Variants in MYC observed in about 807,000 individuals in gnomAD.
The protein encoded by MYC is MYC proto-oncogene, bHLH transcription factor, also known as myc proto-oncogene protein.
A neutral mutation model predicts 30.5 loss-of-function variants in MYC; 1 was observed. The observed-to-expected ratio is 0.03, with a 90% CI of 0.01 to 0.16. MYC has a LOEUF of 0.16. Ranked by LOEUF, MYC falls within the 10% of genes least tolerant of loss-of-function variation. MYC has a pLI of 1.00. For synonymous variants in MYC, 267 were observed against 250.7 expected (o/e 1.07, Z -0.62); for missense variants, 508 against 589.0 (o/e 0.86, Z 1.42).
At position 127,738,914 on chromosome 8, in the gene MYC, C is replaced by T. The variant is rs147506213; in HGVS notation, c.697C>T (p.Pro233Ser). 1 of 1,610,166 alleles carries T rather than the reference C, an allele frequency of 6.2e-7. No homozygotes were observed. Among genetic ancestry groups the T allele is most frequent in the Non-Finnish European group, 8.5e-7 (1 of 1,179,968 alleles). ...CTCGCAAGACTCCAGCGCCTTCTCT[C>T]CGTCCTCGGATTCTCTGCTCTCCTC... Residue 233 changes from proline (P) to serine (S), a missense_variant, in exon 2 of 3, where the codon CCG becomes TCG. Coordinates refer to ENST00000621592, the MANE Select transcript of MYC (RefSeq NM_002467.6). This position sits in a 1 kb window ranked among gnomAD's most constrained non-coding sequence, Gnocchi z 7.6.
intron 2 of MYC, among the ~76,000 whole-genome samples, chr8:127,740,024 GC>G (rs1187163114): frequency 6.0e-5 from 9 of 150,542 alleles, no homozygotes; most frequent in Non-Finnish European, 1.0e-4. Context: ...AGGCTGGAGT[GC>G]AGTGGCGCAA....
chr8:127,738,250 G>A lies in MYC; in HGVS notation c.33G>A (p.Gln11=), dbSNP rs781165176. 1.9e-6 allele frequency: 3 copies of A among 1,580,814 alleles called. No homozygotes were observed. In the South Asian group the frequency reaches 3.4e-5, roughly 18 times the overall value. Residue 11 remains glutamine, a splice_region_variant and synonymous_variant, in exon 2 of 3, where the codon CAG becomes CAA. Transcript: ENST00000621592. This position sits in a 1 kb window ranked among gnomAD's most constrained non-coding sequence, Gnocchi z 7.6. ...CCGCTTTGTGTGCCCCGCTCCAGCA[G>A]CCTCCCGCGACGATGCCCCTCAACG...
At chr8:127,740,306 C>G in intron 2 of MYC, 90 bp from the exon 3 acceptor site, 1 of 1,323,812 alleles carries the variant, frequency 7.6e-7, no homozygotes, top group Non-Finnish European at 1.0e-6. Flanking sequence ...CTAACGTATT[C>G]ATGCCTTGTA....
rs4645974 is a variant in MYC at position 127,742,443 on chromosome 8, C to T, written c.*1485C>T. Among the ~76,000 whole-genome samples, 3,892 of 152,264 alleles carry T rather than the reference C, an allele frequency of 0.026. 104 individuals carry two copies. Among genetic ancestry groups the T allele is most frequent in the South Asian group, 0.12 (565 of 4,826 alleles). The stretch of plus-strand genomic sequence containing the variant: ...GTCCAGTGGGTTATGTTTTTTAAGT[C>T]TCAACATCTAAGCCTGGTCAGGCAT... On this transcript the variant is annotated 3_prime_UTR_variant, in exon 3 of 3. Transcript: ENST00000621592.
intron 2 of MYC, 88 bp from the exon 3 acceptor site, chr8:127,740,308 T>A (rs1813688087): frequency 1.5e-6 from 2 of 1,337,022 alleles, no homozygotes; most frequent in Non-Finnish European, 2.0e-6. Context: ...AACGTATTCA[T>A]GCCTTGTATT....
Position 127,736,515 on chromosome 8 carries a change from T to C in MYC, c.-79T>C. On this transcript the variant is annotated 5_prime_UTR_variant, in exon 1 of 3. Transcript: ENST00000621592. Reference sequence around the variant, plus strand: ...CGACTCTCCCGACGCGGGGAGGCTATTCTGCCCATTTGGGGACACTTCCCC... The same window carrying C: ...CGACTCTCCCGACGCGGGGAGGCTACTCTGCCCATTTGGGGACACTTCCCC... 1 of 1,524,534 alleles carries C rather than the reference T, an allele frequency of 6.6e-7. No homozygotes were observed. The highest frequency in any genetic ancestry group is 9.1e-7 in the Non-Finnish European group (1 of 1,103,126). 94.4% of individuals were successfully genotyped at this position (1,524,534 alleles called of 1,614,324 possible).
rs757865894 is a variant in MYC, at chr8:127,738,937, C to A, written c.720C>A (p.Ser240=). The change falls in exon 2 of 3, where the codon TCC becomes TCA. Residue 240 remains serine, a synonymous_variant. Coordinates refer to ENST00000621592, the MANE Select transcript of MYC (RefSeq NM_002467.6). This position sits in a 1 kb window ranked among gnomAD's most constrained non-coding sequence, Gnocchi z 7.6. ...CTCCGTCCTCGGATTCTCTGCTCTC[C>A]TCGACGGAGTCCTCCCCGCAGGGCA... The A allele has an allele frequency of 6.2e-7, 1 of 1,603,364 alleles. No homozygotes were observed. Among genetic ancestry groups the A allele is most frequent in the South Asian group, 1.1e-5 (1 of 90,586 alleles).
rs533487784 is a variant in MYC, at chr8:127,736,752, A to G, written c.30+129A>G. ...TATTGACACTTTTCTCAGAGTAGTTATGGTAACTGGGGCTGGGGTGGGGGG... is the reference window on the plus strand; with the variant it reads ...TATTGACACTTTTCTCAGAGTAGTTGTGGTAACTGGGGCTGGGGTGGGGGG... On this transcript the variant is annotated intron_variant, in intron 1 of 2. Coordinates refer to ENST00000621592, the MANE Select transcript of MYC (RefSeq NM_002467.6). 21 of 999,896 alleles carry G rather than the reference A, an allele frequency of 2.1e-5. No homozygotes were observed. The African/African-American group carries it at 2.7e-4, about 13-fold the overall frequency. 61.9% of individuals were successfully genotyped at this position (999,896 alleles called of 1,614,324 possible).
At chr8:127,737,169 G>A (rs1813607157) in intron 1 of MYC, among the ~76,000 whole-genome samples, 1 of 152,278 alleles carries the variant, frequency 6.6e-6, no homozygotes, top group Admixed American at 6.5e-5. Context: ...TCCCCGCGGC[G>A]ATTCCAACCC....
rs985838399 is a variant in MYC at position 127,736,400 on chromosome 8, G to A, written c.-194G>A. 28 of 623,860 alleles carry A rather than the reference G, an allele frequency of 4.5e-5. No individual in the cohort carries two copies. The highest frequency in any genetic ancestry group is 6.5e-5 in the Non-Finnish European group (23 of 355,650). 38.6% of individuals were successfully genotyped at this position (623,860 alleles called of 1,614,324 possible). A position where few individuals can be genotyped will look rare whatever the true frequency, so the allele number is the denominator to read the frequency against. On this transcript the variant is annotated 5_prime_UTR_variant, in exon 1 of 3. Transcript: ENST00000621592. ...CCCTCCCGCTGATCCCCCAGCCAGCGGTCCGCAACCCTTGCCGCATCCACG... is the reference window on the plus strand; with the variant it reads ...CCCTCCCGCTGATCCCCCAGCCAGCAGTCCGCAACCCTTGCCGCATCCACG...
At chr8:127,739,966 C>CT (rs545674040) in intron 2 of MYC, among the ~76,000 whole-genome samples, 4,980 of 136,258 alleles carry the variant, frequency 0.037, 136 homozygotes, top group African/African-American at 0.077. Flanking sequence ...TAGATTGGTT[C>CT]TTTTTTTTTT....
intron 1 of MYC, among the ~76,000 whole-genome samples, chr8:127,737,181 C>T (rs1316234204): frequency 6.6e-6 from 1 of 152,292 alleles, no homozygotes; most frequent in East Asian, 1.9e-4. Flanking sequence ...TTCCAACCCG[C>T]CCTGATCCTT....
Position 127,736,305 on chromosome 8 carries a change from G to T in MYC, c.-289G>T. 1.8e-6 allele frequency: 1 copy of T among 563,316 alleles called. No individual in the cohort carries two copies. The allele number at this position is 563,316 out of a possible 1,614,324, so 34.9% of individuals were successfully genotyped here. Reference sequence around the variant, plus strand: ...CGGCTAGGGTGGAAGAGCCGGGCGAGCAGAGCTGCGCTGCGGGCGTCCTGG... The same window carrying T: ...CGGCTAGGGTGGAAGAGCCGGGCGATCAGAGCTGCGCTGCGGGCGTCCTGG... On this transcript the variant is annotated 5_prime_UTR_variant, in exon 1 of 3. Coordinates refer to ENST00000621592, the MANE Select transcript of MYC (RefSeq NM_002467.6).
At chr8:127,737,038 G>A (rs956890429) in intron 1 of MYC, among the ~76,000 whole-genome samples, 5 of 152,390 alleles carry the variant, frequency 3.3e-5, no homozygotes, top group African/African-American at 1.2e-4. Context: ...CATATCGCCT[G>A]TGTGAGCCAG....
rs975517124 is a variant in MYC, at chr8:127,739,103, C to G, written c.802+84C>G. 5 of 1,339,042 alleles carry G rather than the reference C, an allele frequency of 3.7e-6. No individual in the cohort carries two copies. The African/African-American group carries it at 5.9e-5, about 16-fold the overall frequency. The allele number at this position is 1,339,042 out of a possible 1,614,324, so 82.9% of individuals were successfully genotyped here. On this transcript the variant is annotated intron_variant, in intron 2 of 2. Transcript: ENST00000621592. ...CATTGGCAGCTTATTTAACGGGCCA[C>G]TCTTATTAGGAAGGAGAGATAGCAG...
At position 127,741,331 on chromosome 8, in the gene MYC, AT is replaced by A. The variant is rs886607980; in HGVS notation, c.*381del. Reference sequence around the variant, plus strand: ...AGTATTATAGGTACTATAAACCCTAATTTTTTTTATTTAAGTACATTTTGCT... The same window carrying A: ...AGTATTATAGGTACTATAAACCCTAATTTTTTTATTTAAGTACATTTTGCT... On this transcript the variant is annotated 3_prime_UTR_variant, in exon 3 of 3. Coordinates refer to ENST00000621592, the MANE Select transcript of MYC (RefSeq NM_002467.6). 13 of 237,304 alleles carry A rather than the reference AT, an allele frequency of 5.5e-5. No individual in the cohort carries two copies. The highest frequency in any genetic ancestry group is 1.8e-4 in the African/African-American group (8 of 45,378). 14.7% of individuals were successfully genotyped at this position (237,304 alleles called of 1,614,324 possible). A position where few individuals can be genotyped will look rare whatever the true frequency, so the allele number is the denominator to read the frequency against.
At position 127,742,871 on chromosome 8, in the gene MYC, C is replaced by T. The variant is rs920426524; in HGVS notation, c.*1913C>T. Among the ~76,000 whole-genome samples, 3 of 152,206 alleles carry T rather than the reference C, an allele frequency of 2.0e-5. No homozygotes were observed. The highest frequency in any genetic ancestry group is 4.4e-5 in the Non-Finnish European group (3 of 68,034). ...TCTAATTACCTCATTGTCTCAGTCTCAAAGTAGGTCTTCAGCTCCCTGTAC... is the reference window on the plus strand; with the variant it reads ...TCTAATTACCTCATTGTCTCAGTCTTAAAGTAGGTCTTCAGCTCCCTGTAC... On this transcript the variant is annotated 3_prime_UTR_variant, in exon 3 of 3. Coordinates refer to ENST00000621592, the MANE Select transcript of MYC (RefSeq NM_002467.6).
rs1483423768 is a variant in MYC at position 127,741,715 on chromosome 8, A to T, written c.*757A>T. 6.6e-6 allele frequency among the ~76,000 whole-genome samples: 1 copy of T among 152,230 alleles called. No homozygotes were observed. The highest frequency in any genetic ancestry group is 1.9e-4 in the East Asian group (1 of 5,198). On this transcript the variant is annotated 3_prime_UTR_variant, in exon 3 of 3. Coordinates refer to ENST00000621592, the MANE Select transcript of MYC (RefSeq NM_002467.6). The stretch of plus-strand genomic sequence containing the variant: ...TACAAGAGGTCAAAGGTAGCAGTTA[A>T]GTACACAAAGAGGCATAAGGACTGG...
chr8:127,740,893 T>C lies in MYC; in HGVS notation c.1300T>C (p.Leu434=). 1 of 1,607,278 alleles carries C rather than the reference T, an allele frequency of 6.2e-7. No individual in the cohort carries two copies. Among genetic ancestry groups the C allele is most frequent in the Admixed American group, 1.7e-5 (1 of 57,638 alleles). ...GCAAAAGCTCATTTCTGAAGAGGACTTGTTGCGGAAACGACGAGAACAGTT... is the reference window on the plus strand; with the variant it reads ...GCAAAAGCTCATTTCTGAAGAGGACCTGTTGCGGAAACGACGAGAACAGTT... The change falls in exon 3 of 3, where the codon TTG becomes CTG. Residue 434 remains leucine, a synonymous_variant. Transcript: ENST00000621592.
Sources: allele counts gnomAD v4.1 joint callset (sites outside exome capture counted in the v4.1 genomes callset), GRCh38; gene constraint gnomAD v4.1.1; non-coding constraint Gnocchi (gnomAD v3.1); transcripts MANE v1.5; gene names NCBI Gene and HGNC (gene_info 2026-07-23, HGNC 2026-07-21).